Variants in KMT2C observed in about 807,000 individuals in gnomAD.
KMT2C encodes the protein lysine methyltransferase 2C, also known as histone-lysine N-methyltransferase 2C.
Under a neutral mutation model 507.9 loss-of-function variants are expected in KMT2C, and 88 were observed. That is an observed-to-expected ratio of 0.17 (90% CI 0.15 to 0.21). The LOEUF (loss-of-function observed/expected upper bound fraction) is 0.21, where lower values mean the gene tolerates loss of function less well. Ranked by LOEUF, KMT2C falls within the 10% of genes least tolerant of loss-of-function variation. KMT2C has a pLI of 1.00. For missense variants in KMT2C, 4,954 were observed against 5,957.8 expected, an observed-to-expected ratio of 0.83 and a Z score of 5.55; for synonymous variants, 2,049 against 2,080.8, an observed-to-expected ratio of 0.98 and a Z score of 0.42.
intron 6 of KMT2C, among the ~76,000 whole-genome samples, chr7:152,298,790 C>T (rs1476229283): frequency 2.0e-5 from 3 of 152,038 alleles, no homozygotes; most frequent in African/African-American, 7.3e-5. Flanking sequence ...TAATAAAAGA[C>T]AGCAAAATAT....
At chr7:152,158,091 T>TAAAATAA (rs2092192376) in intron 44 of KMT2C, among the ~76,000 whole-genome samples, 1 of 152,230 alleles carries the variant, frequency 6.6e-6, no homozygotes, top group East Asian at 1.9e-4. Flanking sequence ...TACAGACCTT[T>TAAAATAA]GAGACTTAAA....
intron 27 of KMT2C, among the ~76,000 whole-genome samples, chr7:152,196,489 C>T (rs908996205): frequency 3.3e-5 from 5 of 152,100 alleles, no homozygotes; most frequent in African/African-American, 1.2e-4. Context: ...CTACTTGCAG[C>T]TTTGCTGTTC....
chr7:152,414,791 TGGCC>T (rs2097717760), intron 1 of KMT2C, among the ~76,000 whole-genome samples: 2 of 142,540 alleles, frequency 1.4e-5, no homozygotes, highest in African/African-American at 5.1e-5. Context: ...CCACTGCACC[TGGCC>T]TTAACTATTT....
chr7:152,309,016 A>AAAGAT (rs1299120223), intron 6 of KMT2C, among the ~76,000 whole-genome samples: 1 of 152,174 alleles, frequency 6.6e-6, no homozygotes, highest in Non-Finnish European at 1.5e-5. Context: ...ACAATGCAAT[A>AAAGAT]AAGATGAACT....
At chr7:152,239,763 T>C (rs1454789962) in intron 14 of KMT2C, among the ~76,000 whole-genome samples, 3 of 152,178 alleles carry the variant, frequency 2.0e-5, no homozygotes, top group Non-Finnish European at 2.9e-5. Context: ...TATTTTGAAT[T>C]AGGTAATTCA....
intron 6 of KMT2C, among the ~76,000 whole-genome samples, chr7:152,294,022 C>CTTTT (rs5888465): frequency 1.5e-5 from 2 of 133,164 alleles, no homozygotes; most frequent in African/African-American, 5.6e-5. Context: ...CCACACCTGC[C>CTTTT]TTTTTTTTTT....
intron 2 of KMT2C, among the ~76,000 whole-genome samples, chr7:152,341,050 T>G (rs2096987410): frequency 6.6e-6 from 1 of 152,220 alleles, no homozygotes; most frequent in South Asian, 2.1e-4. Context: ...ACCAACAAAT[T>G]ACAACATACA....
At chr7:152,213,750 TAAA>T (rs922863914) in intron 23 of KMT2C, among the ~76,000 whole-genome samples, 2 of 76,322 alleles carry the variant, frequency 2.6e-5, no homozygotes, top group East Asian at 3.6e-4. Context: ...TGCATAGCAA[TAAA>T]AAAAAAAAAA....
At position 152,179,665 on chromosome 7, in the gene KMT2C, G is replaced by T. The variant is rs866158588; in HGVS notation, c.7442+169C>A. 4.9e-5 allele frequency among the ~76,000 whole-genome samples: 7 copies of T among 143,094 alleles called. 1 individual carries two copies. Among genetic ancestry groups the T allele is most frequent in the Non-Finnish European group, 9.3e-5 (6 of 64,502 alleles). 93.9% of individuals were successfully genotyped at this position (143,094 alleles called of 152,430 possible). ...TTAAATTTGTTGAAGAGGTTGGGGG[G>T]GGGGGGGGGTGGTCTCACTATATTG... On this transcript the variant is annotated intron_variant, in intron 37 of 58. Coordinates refer to ENST00000262189, the MANE Select transcript of KMT2C (RefSeq NM_170606.3).
intron 50 of KMT2C, 89 bp downstream of exon 50, chr7:152,151,353 G>T: frequency 7.4e-7 from 1 of 1,345,506 alleles, no homozygotes; most frequent in Admixed American, 1.9e-5. Flanking sequence ...CACCATAAGT[G>T]GTGTCTCTCT....
intron 3 of KMT2C, among the ~76,000 whole-genome samples, chr7:152,318,554 G>A (rs1318286429): frequency 1.3e-5 from 2 of 148,542 alleles, no homozygotes; most frequent in African/African-American, 2.5e-5. Flanking sequence ...TTGAACCAGG[G>A]AGGTAGAGGT....
Position 152,435,987 on chromosome 7 carries a change from G to A in KMT2C, c.-201C>T, listed in dbSNP as rs1163992416. 3 of 286,094 alleles carry A rather than the reference G, an allele frequency of 1.0e-5. No individual in the cohort carries two copies. Among genetic ancestry groups the A allele is most frequent in the East Asian group, 5.3e-5 (1 of 18,822 alleles). The allele number at this position is 286,094 out of a possible 1,614,324, so 17.7% of individuals were successfully genotyped here. A position where few individuals can be genotyped will look rare whatever the true frequency, so the allele number is the denominator to read the frequency against. ...GCAGGACACGCACTCACACACATCGGCGCGGGCGCGCGCACCTCCGCGCGC... is the reference window on the plus strand; with the variant it reads ...GCAGGACACGCACTCACACACATCGACGCGGGCGCGCGCACCTCCGCGCGC... On this transcript the variant is annotated 5_prime_UTR_variant, in exon 1 of 59. Transcript: ENST00000262189.
intron 43 of KMT2C, among the ~76,000 whole-genome samples, chr7:152,161,795 T>C (rs2092467256): frequency 6.6e-6 from 1 of 152,234 alleles, no homozygotes; most frequent in Non-Finnish European, 1.5e-5. Flanking sequence ...TTATTTACAA[T>C]AAAGTACATA....
intron 12 of KMT2C, 25 bp downstream of exon 12, chr7:152,250,828 G>C (rs749917684): frequency 8.2e-7 from 1 of 1,212,550 alleles, no homozygotes; most frequent in Non-Finnish European, 1.2e-6. Flanking sequence ...TTCAAAAACA[G>C]AGTATATCCA....
intron 7 of KMT2C, among the ~76,000 whole-genome samples, chr7:152,271,489 C>G (rs1204655749): frequency 6.6e-6 from 1 of 151,732 alleles, no homozygotes; most frequent in African/African-American, 2.4e-5. Flanking sequence ...CTAGCCAACA[C>G]AGTGAAACCC....
rs185941803 is a variant in KMT2C, at chr7:152,369,373, G to A, written c.162-10698C>T. Among the ~76,000 whole-genome samples the A allele has an allele frequency of 2.2e-3, 336 of 151,648 alleles. 3 individuals are homozygous for A. Among genetic ancestry groups the A allele is most frequent in the Middle Eastern group, 0.01 (3 of 294 alleles). ...AACAAGATGGCAAATTATATTTTGT[G>A]TATATTCTACCACAACTTTTTAAAA... On this transcript the variant is annotated intron_variant, in intron 1 of 58. Coordinates refer to ENST00000262189, the MANE Select transcript of KMT2C (RefSeq NM_170606.3).
intron 6 of KMT2C, among the ~76,000 whole-genome samples, chr7:152,306,338 T>C (rs927053531): frequency 1.3e-5 from 2 of 152,208 alleles, no homozygotes; most frequent in Admixed American, 6.5e-5. Context: ...ATCAGAGTTA[T>C]ACTGACAAAT....
At chr7:152,409,795 T>C (rs1164138140) in intron 1 of KMT2C, among the ~76,000 whole-genome samples, 5 of 152,392 alleles carry the variant, frequency 3.3e-5, no homozygotes, top group Non-Finnish European at 7.3e-5. Flanking sequence ...AGAGGTTTTA[T>C]TTCTTGGGTT....
At chr7:152,356,894 AAAGAATAAT>A (rs990954401) in intron 2 of KMT2C, among the ~76,000 whole-genome samples, 2 of 72,186 alleles carry the variant, frequency 2.8e-5, no homozygotes, top group African/African-American at 9.4e-5. Flanking sequence ...TCCAACTCAA[AAAGAATAAT>A]AATAATAATA....
Sources: allele counts gnomAD v4.1 joint callset (sites outside exome capture counted in the v4.1 genomes callset), GRCh38; gene constraint gnomAD v4.1.1; transcripts MANE v1.5; gene names NCBI Gene and HGNC (gene_info 2026-07-23, HGNC 2026-07-21).